TPT1: variants seen among roughly 807,000 people sequenced by gnomAD.
TPT1 encodes translationally-controlled tumor protein.
TPT1 carries 5 observed loss-of-function variants against 22.8 expected under a neutral mutation model. The ratio of observed to expected loss-of-function variants is 0.22; its 90% confidence interval spans 0.11 to 0.46. The LOEUF (loss-of-function observed/expected upper bound fraction) is 0.46, where lower values mean the gene tolerates loss of function less well. TPT1 is among the 20% of genes least tolerant of loss of function. TPT1 has a pLI of 0.99. For synonymous variants in TPT1, 89 were observed against 73.6 expected, an observed-to-expected ratio of 1.21 and a Z score of -1.07; for missense variants, 130 against 218.7, an observed-to-expected ratio of 0.59 and a Z score of 2.56.
Position 45,333,962 on chromosome 13 carries a change from GA to G in TPT1, c.*3423del, listed in dbSNP as rs1407250073. On this transcript the variant is annotated 3_prime_UTR_variant, in exon 6 of 6. Transcript: ENST00000530705. Reference sequence around the variant, plus strand: ...TTTTAAAATTTTTAAACTTTTTTCAGATAGTGTCTCACTGCCGCCCAGGCTG... The same window carrying G: ...TTTTAAAATTTTTAAACTTTTTTCAGTAGTGTCTCACTGCCGCCCAGGCTG... The G allele has an allele frequency of 6.6e-6, 1 of 152,084 alleles. No individual in the cohort carries two copies. The highest frequency in any genetic ancestry group is 1.5e-5 in the Non-Finnish European group (1 of 68,048). The allele number at this position is 152,084 out of a possible 1,614,324, so 9.4% of individuals were successfully genotyped here.
rs201681041 is a variant in TPT1 at position 45,341,080 on chromosome 13, G to T, written c.-11C>A. 1.2e-6 allele frequency: 2 copies of T among 1,613,042 alleles called. No homozygotes were observed. The highest frequency in any genetic ancestry group is 1.7e-6 in the Non-Finnish European group (2 of 1,179,496). On this transcript the variant is annotated 5_prime_UTR_variant, in exon 1 of 6. Coordinates refer to ENST00000530705, the MANE Select transcript of TPT1 (RefSeq NM_003295.4). ...CCGGTAGATAATCATGATGGCGACT[G>T]AAGGGAGACGACGACGGCGCTAGCT...
chr13:45,335,751 C>CA lies in TPT1; in HGVS notation c.*1634dup, dbSNP rs1187482618. ...GCCACATGGCATGACCCCATCCCTA[C>CA]AAAAAATCTATCAGAATGCTTAAAA... On this transcript the variant is annotated 3_prime_UTR_variant, in exon 6 of 6. Transcript: ENST00000530705. 1.1e-4 allele frequency: 17 copies of CA among 152,194 alleles called. No individual in the cohort carries two copies. The highest frequency in any genetic ancestry group is 1.0e-4 in the Non-Finnish European group (7 of 68,060). The allele number at this position is 152,194 out of a possible 1,614,324, so 9.4% of individuals were successfully genotyped here.
At chr13:45,339,935 C>A (rs1878969657) in intron 3 of TPT1, 59 bp downstream of exon 3, 1 of 1,570,096 alleles carries the variant, frequency 6.4e-7, no homozygotes, top group Admixed American at 1.9e-5. Flanking sequence ...CAAAAGTTAG[C>A]CAATCTTTAA....
rs1878538572 is a variant in TPT1, at chr13:45,334,251, G to T, written c.*3135C>A. The T allele has an allele frequency of 6.6e-6, 1 of 152,168 alleles. No homozygotes were observed. Among genetic ancestry groups the T allele is most frequent in the African/African-American group, 2.4e-5 (1 of 41,424 alleles). 9.4% of individuals were successfully genotyped at this position (152,168 alleles called of 1,614,324 possible). A position where few individuals can be genotyped will look rare whatever the true frequency, so the allele number is the denominator to read the frequency against. On this transcript the variant is annotated 3_prime_UTR_variant, in exon 6 of 6. Coordinates refer to ENST00000530705, the MANE Select transcript of TPT1 (RefSeq NM_003295.4). The stretch of plus-strand genomic sequence containing the variant: ...GGGTCTCCCTGTGGTGCCCAGGCTG[G>T]CCTCTAACAATCCTACCTCAGCCTT...
chr13:45,338,704 G>A lies in TPT1; in HGVS notation c.472C>T (p.Pro158Ser). ...CCATCCTTAAAGAAAATCATATATGGGGTCACACCATCCTCACGGTAGTCC... is the reference window on the plus strand; with the variant it reads ...CCATCCTTAAAGAAAATCATATATGAGGTCACACCATCCTCACGGTAGTCC... The part of the protein sequence containing the change: ...LLDYREDGVT[P>S]YMIFFKDGLE... The change falls in exon 5 of 6, where the codon CCA (proline) becomes TCA (serine). Residue 158 changes from proline (P) to serine (S), a missense_variant. Transcript: ENST00000530705. The A allele has an allele frequency of 6.2e-7, 1 of 1,612,700 alleles. No homozygotes were observed. The highest frequency in any genetic ancestry group is 8.5e-7 in the Non-Finnish European group (1 of 1,179,604).
In TPT1 at chr13:45,340,961, G is replaced by A. The variant is rs973752791; in HGVS notation, c.28+81C>T. The stretch of plus-strand genomic sequence containing the variant: ...AAGACCGCCGGCGTCCCCTAGGCCC[G>A]CGACGGCTGCGCCTTCCCCGCCCCC... On this transcript the variant is annotated intron_variant, in intron 1 of 5. Transcript: ENST00000530705. 4 of 1,554,334 alleles carry A rather than the reference G, an allele frequency of 2.6e-6. No individual in the cohort carries two copies. The Admixed American group carries it at 5.8e-5, about 23-fold the overall frequency.
rs1566173612 is a variant in TPT1, at chr13:45,334,848, G to C, written c.*2538C>G. On this transcript the variant is annotated 3_prime_UTR_variant, in exon 6 of 6. Coordinates refer to ENST00000530705, the MANE Select transcript of TPT1 (RefSeq NM_003295.4). ...CTTTACAACCCTTCCTGTCTTCTTG[G>C]GTTAGCAAAGTGGCCACTTTTTTCC... The C allele has an allele frequency of 6.6e-6, 1 of 152,230 alleles. No homozygotes were observed. The highest frequency in any genetic ancestry group is 1.9e-4 in the East Asian group (1 of 5,178). The allele number at this position is 152,230 out of a possible 1,614,324, so 9.4% of individuals were successfully genotyped here.
At chr13:45,340,892 G>C (rs1489996103) in intron 1 of TPT1, 107 bp from the exon 2 acceptor site, 3 of 1,487,676 alleles carry the variant, frequency 2.0e-6, no homozygotes, top group Non-Finnish European at 1.8e-6. Flanking sequence ...TAGCACACCA[G>C]AGCTGGGCGC....
rs1878634089 is a variant in TPT1, at chr13:45,335,792, C to T, written c.*1594G>A. 1 of 152,144 alleles carries T rather than the reference C, an allele frequency of 6.6e-6. No homozygotes were observed. Among genetic ancestry groups the T allele is most frequent in the Non-Finnish European group, 1.5e-5 (1 of 68,078 alleles). 9.4% of individuals were successfully genotyped at this position (152,144 alleles called of 1,614,324 possible). On this transcript the variant is annotated 3_prime_UTR_variant, in exon 6 of 6. Transcript: ENST00000530705. ...ATGCTTAAAATTGCTATTAAGTTCCCAATACGTATTTAGGTTTGTTTCCAA... is the reference window on the plus strand; with the variant it reads ...ATGCTTAAAATTGCTATTAAGTTCCTAATACGTATTTAGGTTTGTTTCCAA...
At chr13:45,341,016 G>C (rs200763561) in intron 1 of TPT1, 26 bp downstream of exon 1, 4 of 1,609,810 alleles carry the variant, frequency 2.5e-6, no homozygotes, top group East Asian at 2.2e-5. Flanking sequence ...GTGTGCGGCA[G>C]TAAGGATAGT....
At chr13:45,340,301 AC>A in intron 2 of TPT1, 117 bp from the exon 3 acceptor site, 1 of 1,310,572 alleles carries the variant, frequency 7.6e-7, no homozygotes, top group Non-Finnish European at 1.1e-6. Context: ...TAAAAAAAGC[AC>A]CATTTTGGGA....
Position 45,340,091 on chromosome 13 carries a change from C to T in TPT1, c.196G>A (p.Val66Ile), listed in dbSNP as rs1878982404. The T allele has an allele frequency of 6.2e-7, 1 of 1,614,082 alleles. No homozygotes were observed. The highest frequency in any genetic ancestry group is 1.3e-5 in the African/African-American group (1 of 74,930). ...ATGACAATATCGACACCAGTGATTA[C>T]TGTGCTTTCGGTACCTTCGCCCTCG... ...GPEGEGTEST[V>I]ITGVDIVMNH... The change falls in exon 3 of 6, where the codon GTA becomes ATA. Residue 66 changes from valine to isoleucine, a missense_variant. Transcript: ENST00000530705.
rs560463573 is a variant in TPT1, at chr13:45,337,549, G to A, written c.517-161C>T. ...GAAAGCGCAGGGATTTCTTTCTTTT[G>A]CATCCTAGTGCAAACCAAAAGAACA... On this transcript the variant is annotated intron_variant, in intron 5 of 5. Transcript: ENST00000530705. 21 of 1,611,268 alleles carry A rather than the reference G, an allele frequency of 1.3e-5. No individual in the cohort carries two copies. In the African/African-American group the frequency reaches 2.8e-4, roughly 21 times the overall value.
chr13:45,340,214 A>T (rs368901392), intron 2 of TPT1, 30 bp from the exon 3 acceptor site: 80 of 1,594,984 alleles, frequency 5.0e-5, no homozygotes, highest in Non-Finnish European at 6.2e-5. Flanking sequence ...TATAATTGCA[A>T]AAGACACAAA....
chr13:45,339,636 T>C, intron 3 of TPT1, 34 bp from the exon 4 acceptor site: 1 of 1,538,554 alleles, frequency 6.5e-7, no homozygotes, highest in Non-Finnish European at 8.8e-7. Flanking sequence ...GTTGAAGTAT[T>C]GAATTTTCAG....
At position 45,339,907 on chromosome 13, in the gene TPT1, C is replaced by T. The variant is rs971753614; in HGVS notation, c.293+87G>A. ...AAGCAAGGACTTTCACAAAAGTATACCCACTGCGAAAGAACCTCAAAAGTT... is the reference window on the plus strand; with the variant it reads ...AAGCAAGGACTTTCACAAAAGTATATCCACTGCGAAAGAACCTCAAAAGTT... On this transcript the variant is annotated intron_variant, in intron 3 of 5. Transcript: ENST00000530705. The T allele has an allele frequency of 2.3e-5, 33 of 1,438,196 alleles. No individual in the cohort carries two copies. In the Admixed American group the frequency reaches 6.6e-4, roughly 29 times the overall value. The allele number at this position is 1,438,196 out of a possible 1,614,324, so 89.1% of individuals were successfully genotyped here.
At chr13:45,339,816 T>C in intron 3 of TPT1, 178 bp downstream of exon 3, 1 of 765,376 alleles carries the variant, frequency 1.3e-6, no homozygotes. Flanking sequence ...GGAAACAGAC[T>C]GCAGGCTTCA....
chr13:45,339,616 T>C lies in TPT1; in HGVS notation c.294-14A>G. 6.3e-7 allele frequency: 1 copy of C among 1,594,492 alleles called. No homozygotes were observed. Among genetic ancestry groups the C allele is most frequent in the Non-Finnish European group, 8.6e-7 (1 of 1,166,140 alleles). ...TTCCCTTTGATTCTAAAACAACATTTCATTAACAGGTTGAAGTATTGAATT... is the reference window on the plus strand; with the variant it reads ...TTCCCTTTGATTCTAAAACAACATTCCATTAACAGGTTGAAGTATTGAATT... On this transcript the variant is annotated splice_polypyrimidine_tract_variant and intron_variant, in intron 3 of 5. Transcript: ENST00000530705.
rs964419024 is a variant in TPT1, at chr13:45,340,535, C to T, written c.102+177G>A. On this transcript the variant is annotated intron_variant, in intron 2 of 5. Coordinates refer to ENST00000530705, the MANE Select transcript of TPT1 (RefSeq NM_003295.4). ...GGGAGGAGGATGGGCGCCGAGGCGGCGGGCCTATTTCCAGGATCAGCTCCG... is the reference window on the plus strand; with the variant it reads ...GGGAGGAGGATGGGCGCCGAGGCGGTGGGCCTATTTCCAGGATCAGCTCCG... 5 of 838,038 alleles carry T rather than the reference C, an allele frequency of 6.0e-6. No homozygotes were observed. In the African/African-American group the frequency reaches 6.7e-5, roughly 11 times the overall value. 51.9% of individuals were successfully genotyped at this position (838,038 alleles called of 1,614,324 possible). A position where few individuals can be genotyped will look rare whatever the true frequency, so the allele number is the denominator to read the frequency against.
Sources: gnomAD v4.1 joint callset for allele counts on GRCh38, gnomAD v4.1.1 for gene constraint, MANE v1.5 for transcripts, NCBI Gene and HGNC (gene_info 2026-07-23, HGNC 2026-07-21) for gene names.